Variants in HADHA observed in about 807,000 individuals in gnomAD.
The protein encoded by HADHA is trifunctional enzyme subunit alpha, mitochondrial.
In HADHA, 59 loss-of-function variants were observed where a neutral mutation model predicts 91.3. That is an observed-to-expected ratio of 0.65 (90% CI 0.52 to 0.80). The LOEUF is 0.80. Ranked by LOEUF, HADHA falls within the 30% of genes least tolerant of loss-of-function variation. The pLI is 0.00. For missense variants in HADHA, 800 were observed against 927.6 expected, an observed-to-expected ratio of 0.86 and a Z score of 1.79; for synonymous variants, 320 against 338.9, an observed-to-expected ratio of 0.94 and a Z score of 0.61.
chr2:26,234,191 TCTCAATAACTTTAGAATATCTATAC>T lies in HADHA; in HGVS notation c.453+1_453+25del. The T allele has an allele frequency of 6.2e-7, 1 of 1,607,646 alleles. No individual in the cohort carries two copies. Among genetic ancestry groups the T allele is most frequent in the South Asian group, 1.1e-5 (1 of 90,958 alleles). Reference sequence around the variant, plus strand: ...AATGCCACCAATGAGTTGGACAGTGTCTCAATAACTTTAGAATATCTATACCTCAAGTCCTCCTCCCAGGCAGGAT... The same window carrying T: ...AATGCCACCAATGAGTTGGACAGTGTCTCAAGTCCTCCTCCCAGGCAGGAT... On this transcript the variant is annotated splice_donor_variant and splice_donor_5th_base_variant and intron_variant, in intron 5 of 19. Coordinates refer to ENST00000380649, the MANE Select transcript of HADHA (RefSeq NM_000182.5). LOFTEE classifies it high-confidence loss of function.
chr2:26,231,946 G>T (rs908735378), intron 6 of HADHA, among the ~76,000 whole-genome samples: 1 of 144,070 alleles, frequency 6.9e-6, no homozygotes, highest in Admixed American at 7.3e-5. Flanking sequence ...TCTAGCCTGG[G>T]CTACAGAGCA....
intron 6 of HADHA, among the ~76,000 whole-genome samples, chr2:26,231,885 C>T (rs1191234364): frequency 6.7e-6 from 1 of 149,914 alleles, no homozygotes; most frequent in Non-Finnish European, 1.5e-5. Context: ...AGGAGAATCG[C>T]TTGAACCTGG....
intron 18 of HADHA, 75 bp downstream of exon 18, chr2:26,192,233 AAT>A: frequency 3.8e-6 from 3 of 788,802 alleles, no homozygotes; most frequent in Admixed American, 1.9e-5. Context: ...AAAAAAAAAA[AAT>A]GGAAGAGGGG....
rs192167549 is a variant in HADHA at position 26,207,475 on chromosome 2, G to A, written c.1085+2305C>T. ...ACTCATTTCTTAACTGTTATGCTCC[G>A]CTTCATTAACACCAAAATTTTCATG... On this transcript the variant is annotated intron_variant, in intron 11 of 19. Transcript: ENST00000380649. 3.9e-5 allele frequency among the ~76,000 whole-genome samples: 6 copies of A among 151,992 alleles called. No homozygotes were observed. The East Asian group carries it at 7.7e-4, about 20-fold the overall frequency.
At chr2:26,199,929 CA>C (rs1669786615) in intron 13 of HADHA, among the ~76,000 whole-genome samples, 1 of 152,132 alleles carries the variant, frequency 6.6e-6, no homozygotes, top group African/African-American at 2.4e-5. Flanking sequence ...GCCTTGAAAT[CA>C]ATGGACTTAA....
Position 26,224,890 on chromosome 2 carries a change from A to G in HADHA, c.676+5302T>C, listed in dbSNP as rs560209977. 1.4e-4 allele frequency among the ~76,000 whole-genome samples: 22 copies of G among 152,354 alleles called. 1 individual carries two copies. Among genetic ancestry groups the G allele is most frequent in the African/African-American group, 5.1e-4 (21 of 41,576 alleles). On this transcript the variant is annotated intron_variant, in intron 7 of 19. Coordinates refer to ENST00000380649, the MANE Select transcript of HADHA (RefSeq NM_000182.5). The stretch of plus-strand genomic sequence containing the variant: ...AGTCCTATCAGCTGATAAACTATCA[A>G]TATCAGGAATGAATGAGGAGACATC...
intron 12 of HADHA, among the ~76,000 whole-genome samples, chr2:26,201,788 CT>C (rs112691372): frequency 0.031 from 4,479 of 144,912 alleles, 195 homozygotes; most frequent in African/African-American, 0.1. Flanking sequence ...TAGTTGTAAT[CT>C]TTTTTTTTTT....
chr2:26,226,597 C>T (rs1252636444), intron 7 of HADHA, among the ~76,000 whole-genome samples: 4 of 152,122 alleles, frequency 2.6e-5, no homozygotes, highest in Admixed American at 6.6e-5. Flanking sequence ...CAAATGGTGC[C>T]AGGACATTTG....
intron 6 of HADHA, among the ~76,000 whole-genome samples, chr2:26,231,890 A>G: frequency 6.6e-6 from 1 of 150,728 alleles, no homozygotes; most frequent in East Asian, 2.0e-4. Flanking sequence ...AATCGCTTGA[A>G]CCTGGGAGGA....
intron 7 of HADHA, among the ~76,000 whole-genome samples, chr2:26,224,029 G>A (rs1370490959): frequency 1.3e-5 from 2 of 152,188 alleles, no homozygotes; most frequent in Non-Finnish European, 2.9e-5. Context: ...TTACAGGCAT[G>A]AGCCACTGCA....
At chr2:26,200,419 A>AGATGCCTC (rs1374773560) in intron 13 of HADHA, among the ~76,000 whole-genome samples, 1 of 152,200 alleles carries the variant, frequency 6.6e-6, no homozygotes, top group African/African-American at 2.4e-5. Flanking sequence ...CCATCTCAAG[A>AGATGCCTC]AGTGCCTATG....
chr2:26,223,811 AT>A (rs1461487779), intron 7 of HADHA, among the ~76,000 whole-genome samples: 1 of 152,054 alleles, frequency 6.6e-6, no homozygotes, highest in Non-Finnish European at 1.5e-5. Context: ...CAATGGTACA[AT>A]CTCGGCTCAC....
chr2:26,214,234 G>A lies in HADHA; in HGVS notation c.918+209C>T, dbSNP rs983874928. ...TACATTTAACTGCATCAATCAATGA[G>A]TAAGTCCAGCACTGATTTTCCCCAA... On this transcript the variant is annotated intron_variant, in intron 9 of 19. Transcript: ENST00000380649. The surrounding 1 kb of genome is among the most constrained non-coding windows in gnomAD (Gnocchi z 4.1). Among the ~76,000 whole-genome samples the A allele has an allele frequency of 1.3e-5, 2 of 152,166 alleles. No individual in the cohort carries two copies. The highest frequency in any genetic ancestry group is 2.9e-5 in the Non-Finnish European group (2 of 68,032).
At chr2:26,193,475 G>C in intron 17 of HADHA, 102 bp downstream of exon 17, 1 of 1,006,908 alleles carries the variant, frequency 9.9e-7, no homozygotes, top group Non-Finnish European at 1.6e-6. Flanking sequence ...TCTGTGTTTA[G>C]AAAACTTTCT....
intron 15 of HADHA, 121 bp downstream of exon 15, chr2:26,194,971 G>C: frequency 1.1e-6 from 1 of 921,384 alleles, no homozygotes; most frequent in South Asian, 1.3e-5. Context: ...AGACAACCCA[G>C]GGGAAAATCA....
intron 7 of HADHA, among the ~76,000 whole-genome samples, chr2:26,218,028 G>A (rs532648036): frequency 8.5e-5 from 13 of 152,228 alleles, no homozygotes; most frequent in African/African-American, 2.6e-4. Context: ...AACATTAGCC[G>A]GCCAGGTGTG....
intron 7 of HADHA, among the ~76,000 whole-genome samples, chr2:26,226,243 A>G (rs1231003497): frequency 1.3e-5 from 2 of 152,208 alleles, no homozygotes; most frequent in Non-Finnish European, 2.9e-5. Flanking sequence ...TAAGCTGTCA[A>G]TTCTCCCCAA....
In HADHA at chr2:26,196,751, C is replaced by T. The variant is rs553169520; in HGVS notation, c.1479+940G>A. Among the ~76,000 whole-genome samples the T allele has an allele frequency of 3.3e-5, 5 of 152,280 alleles. No individual in the cohort carries two copies. The South Asian group carries it at 6.2e-4, about 19-fold the overall frequency. On this transcript the variant is annotated intron_variant, in intron 14 of 19. Coordinates refer to ENST00000380649, the MANE Select transcript of HADHA (RefSeq NM_000182.5). ...TGTGATGCTTGCTCTGCTCCGATGG[C>T]GGGGAGAGGTTACCATCAAATGAAC...
chr2:26,220,799 A>G (rs2147773860), intron 7 of HADHA, among the ~76,000 whole-genome samples: 1 of 152,320 alleles, frequency 6.6e-6, no homozygotes, highest in Middle Eastern at 3.4e-3. Context: ...AATTTAGTCC[A>G]CAGAGAGCCT....
Sources: gnomAD v4.1 joint callset for allele counts (sites outside exome capture counted in the v4.1 genomes callset) on GRCh38, gnomAD v4.1.1 for gene constraint, Gnocchi (gnomAD v3.1) non-coding constraint, MANE v1.5 for transcripts, NCBI Gene and HGNC (gene_info 2026-07-23, HGNC 2026-07-21) for gene names.